SQLE: variants seen among roughly 807,000 people sequenced by gnomAD.
SQLE encodes the protein squalene monooxygenase.
A neutral mutation model predicts 60.7 loss-of-function variants in SQLE; 29 were observed. The ratio of observed to expected loss-of-function variants is 0.48; its 90% confidence interval spans 0.36 to 0.65. SQLE has a LOEUF of 0.65. SQLE is among the 30% of genes least tolerant of loss of function. SQLE has a pLI of 0.00. For synonymous variants in SQLE, 237 were observed against 246.8 expected (o/e 0.96, Z 0.37); for missense variants, 605 against 684.1 (o/e 0.88, Z 1.29).
At chr8:125,009,393 C>A in intron 6 of SQLE, 50 bp downstream of exon 6, 2 of 1,511,744 alleles carry the variant, frequency 1.3e-6, no homozygotes, top group Non-Finnish European at 1.8e-6. Context: ...TAAAATAGGC[C>A]AGAGATAAGG....
chr8:125,001,953 G>T (rs1056182166), intron 1 of SQLE, among the ~76,000 whole-genome samples: 1 of 152,080 alleles, frequency 6.6e-6, no homozygotes, highest in African/African-American at 2.4e-5. Context: ...AAATTGAATT[G>T]TTCATTTTAA....
chr8:125,007,553 T>C (rs1814973131), intron 4 of SQLE, 66 bp downstream of exon 4: 4 of 1,074,920 alleles, frequency 3.7e-6, no homozygotes, highest in South Asian at 1.6e-5. Context: ...CACTTACCCC[T>C]TTAAAAAAGT....
intron 4 of SQLE, 114 bp from the exon 5 acceptor site, chr8:125,008,857 C>T: frequency 4.3e-6 from 3 of 693,446 alleles, no homozygotes; most frequent in Non-Finnish European, 6.8e-6. Context: ...CAACTACTCT[C>T]TATAATGCTA....
intron 1 of SQLE, 86 bp from the exon 2 acceptor site, chr8:125,003,090 C>A: frequency 7.5e-7 from 1 of 1,339,964 alleles, no homozygotes; most frequent in Non-Finnish European, 9.9e-7. Context: ...GCCTAGGATG[C>A]AAAAGTCCAG....
Position 124,998,517 on chromosome 8 carries a change from G to A in SQLE, c.-887G>A, listed in dbSNP as rs1032406004. On this transcript the variant is annotated 5_prime_UTR_variant, in exon 1 of 11. Transcript: ENST00000265896. ...CGCCCAGCTGGCTGAGACGCGTGGA[G>A]CCTGGCGGCGAGTGGGGGCGTGCGA... 8.8e-5 allele frequency: 58 copies of A among 656,968 alleles called. No homozygotes were observed. Among genetic ancestry groups the A allele is most frequent in the Middle Eastern group, 7.2e-4 (2 of 2,766 alleles). The allele number at this position is 656,968 out of a possible 1,614,324, so 40.7% of individuals were successfully genotyped here.
In SQLE at chr8:125,003,393, G is replaced by T. The variant is rs776542793; in HGVS notation, c.509G>T (p.Gly170Val). ...ATAGTTGGAGAATTCCTGCAGCCGG[G>T]TGGTTATCATGTTCTCAAAGACCTT... is the stretch of plus-strand genomic sequence containing the variant. Reference protein sequence around the residue: ...DRIVGEFLQPGGYHVLKDLGL... With the variant: ...DRIVGEFLQPVGYHVLKDLGL... Residue 170 changes from glycine to valine, a missense_variant, in exon 2 of 11, where the codon GGT (glycine) becomes GTT (valine). Gly to Val is a moderately radical substitution (Grantham distance 109). Transcript: ENST00000265896. 5 of 1,613,972 alleles carry T rather than the reference G, an allele frequency of 3.1e-6. No homozygotes were observed. Among genetic ancestry groups the T allele is most frequent in the Non-Finnish European group, 4.2e-6 (5 of 1,179,888 alleles).
chr8:124,999,996 C>T (rs1314012479), intron 1 of SQLE: 1 of 556,788 alleles, frequency 1.8e-6, no homozygotes, highest in African/African-American at 1.9e-5. Context: ...AACCACTTTC[C>T]ATGATGAAAA....
At chr8:125,019,504 CTA>C (rs1195356786) in intron 9 of SQLE, among the ~76,000 whole-genome samples, 2 of 152,148 alleles carry the variant, frequency 1.3e-5, no homozygotes, top group East Asian at 3.9e-4. Flanking sequence ...CTACAGTGAG[CTA>C]TATATAGTGA....
chr8:125,011,542 C>G lies in SQLE; in HGVS notation c.1114C>G (p.Leu372Val). ...EKIYPQIPDH[L>V]KEPFLEATDN... ...GTTGGTGGGATTTATTGCAGATCAC[C>G]TGAAAGAACCATTCTTAGAAGCCAC... Residue 372 changes from leucine (L) to valine (V), a missense_variant, in exon 7 of 11, where the codon CTG becomes GTG. Coordinates refer to ENST00000265896, the MANE Select transcript of SQLE (RefSeq NM_003129.4). 1 of 1,577,400 alleles carries G rather than the reference C, an allele frequency of 6.3e-7. No homozygotes were observed. Among genetic ancestry groups the G allele is most frequent in the Non-Finnish European group, 8.6e-7 (1 of 1,159,840 alleles).
intron 9 of SQLE, among the ~76,000 whole-genome samples, chr8:125,019,622 T>G (rs935340247): frequency 1.3e-5 from 2 of 152,194 alleles, no homozygotes; most frequent in South Asian, 4.1e-4. Flanking sequence ...AAGGCAACTG[T>G]GCCACCTCCT....
chr8:125,018,310 T>A, intron 8 of SQLE, 109 bp downstream of exon 8: 1 of 1,116,674 alleles, frequency 9.0e-7, no homozygotes, highest in Non-Finnish European at 1.3e-6. Flanking sequence ...TGATGCTTTA[T>A]AATAGCTCTT....
chr8:125,012,847 A>G (rs1348165038), intron 7 of SQLE, among the ~76,000 whole-genome samples: 1 of 152,206 alleles, frequency 6.6e-6, no homozygotes, highest in Non-Finnish European at 1.5e-5. Flanking sequence ...TGTTTTCCAA[A>G]ATAGCTGTCC....
chr8:125,004,982 G>A (rs1046094002), intron 2 of SQLE, among the ~76,000 whole-genome samples: 5 of 152,106 alleles, frequency 3.3e-5, no homozygotes, highest in African/African-American at 4.8e-5. Flanking sequence ...TTTGTCCTGA[G>A]TCACTTTTAA....
rs200947300 is a variant in SQLE at position 125,003,158 on chromosome 8, C to T, written c.292-18C>T. On this transcript the variant is annotated intron_variant, in intron 1 of 10. Coordinates refer to ENST00000265896, the MANE Select transcript of SQLE (RefSeq NM_003129.4). ...TAACAAATTTGGATACCTAGTTTAC[C>T]TTTTTTTTTTTAAACAGCGCAGAAA... 1.2e-5 allele frequency: 16 copies of T among 1,343,460 alleles called. No homozygotes were observed. The highest frequency in any genetic ancestry group is 1.3e-5 in the South Asian group (1 of 74,250). The allele number at this position is 1,343,460 out of a possible 1,614,324, so 83.2% of individuals were successfully genotyped here. A position where few individuals can be genotyped will look rare whatever the true frequency, so the allele number is the denominator to read the frequency against.
At chr8:125,020,679 T>A (rs981970257) in intron 9 of SQLE, 105 bp from the exon 10 acceptor site, 2 of 695,098 alleles carry the variant, frequency 2.9e-6, no homozygotes, top group African/African-American at 3.6e-5. Context: ...ATTTAAAAAT[T>A]ATCTGCAAGA....
chr8:124,999,795 A>G (rs1814812507), intron 1 of SQLE, 101 bp downstream of exon 1: 3 of 1,343,474 alleles, frequency 2.2e-6, no homozygotes, highest in Non-Finnish European at 2.0e-6. Flanking sequence ...GCGGCAGGTT[A>G]GATGCTTGTA....
At chr8:125,002,256 T>C (rs1476512551) in intron 1 of SQLE, among the ~76,000 whole-genome samples, 1 of 152,242 alleles carries the variant, frequency 6.6e-6, no homozygotes. Context: ...ATTTTGTTTA[T>C]TTAGATAATC....
intron 5 of SQLE, 35 bp downstream of exon 5, chr8:125,009,119 AAG>A: frequency 6.4e-7 from 1 of 1,568,088 alleles, no homozygotes; most frequent in Non-Finnish European, 8.6e-7. Flanking sequence ...ATTTCAATAA[AAG>A]AAACTTGAAA....
At chr8:125,007,530 T>C in intron 4 of SQLE, 43 bp downstream of exon 4, 1 of 1,355,684 alleles carries the variant, frequency 7.4e-7, no homozygotes, top group East Asian at 2.5e-5. Flanking sequence ...AGATGTTGTT[T>C]TTCCTGCTTT....
Sources: allele counts gnomAD v4.1 joint callset (sites outside exome capture counted in the v4.1 genomes callset), GRCh38; gene constraint gnomAD v4.1.1; transcripts MANE v1.5; gene names NCBI Gene and HGNC (gene_info 2026-07-23, HGNC 2026-07-21).